The following STXBP5L variants were observed in gnomAD, a reference collection of about 807,000 sequenced individuals.
The protein encoded by STXBP5L is syntaxin-binding protein 5-like.
A neutral mutation model predicts 144.5 loss-of-function variants in STXBP5L; 65 were observed. The observed-to-expected ratio is 0.45, with a 90% confidence interval of 0.37 to 0.55. The LOEUF (loss-of-function observed/expected upper bound fraction) is 0.55. Among genes scored for constraint, STXBP5L ranks in the 20% least tolerant of loss-of-function variants. STXBP5L has a pLI of 0.00. For synonymous variants in STXBP5L, 505 were observed against 469.6 expected (o/e 1.08, Z -0.97); for missense variants, 1,298 against 1,405.5 (o/e 0.92, Z 1.22).
chr3:120,959,323 T>C (rs1049837987), intron 3 of STXBP5L, among the ~76,000 whole-genome samples: 1 of 152,230 alleles, frequency 6.6e-6, no homozygotes, highest in Non-Finnish European at 1.5e-5. Flanking sequence ...CTGGCCATAC[T>C]GCTCAAGGTA....
chr3:121,341,981 A>C (rs995088087), intron 20 of STXBP5L, among the ~76,000 whole-genome samples: 1 of 152,026 alleles, frequency 6.6e-6, no homozygotes, highest in African/African-American at 2.4e-5. Flanking sequence ...AGAATAACTT[A>C]AATAATATAA....
chr3:121,196,130 A>G (rs761176569), intron 9 of STXBP5L, among the ~76,000 whole-genome samples: 2 of 150,454 alleles, frequency 1.3e-5, no homozygotes, highest in Non-Finnish European at 3.0e-5. Flanking sequence ...TCTATAGATC[A>G]GTTTGGATAG....
intron 3 of STXBP5L, among the ~76,000 whole-genome samples, chr3:120,979,133 G>A (rs546123330): frequency 3.3e-5 from 5 of 152,232 alleles, no homozygotes; most frequent in African/African-American, 4.8e-5. Context: ...TTGTTTGTCT[G>A]TGCCTTGCCA....
At chr3:121,081,564 G>C (rs996630042) in intron 5 of STXBP5L, among the ~76,000 whole-genome samples, 1 of 152,086 alleles carries the variant, frequency 6.6e-6, no homozygotes, top group African/African-American at 2.4e-5. Context: ...TCTCCTAGGG[G>C]GTTAGAATGG....
intron 20 of STXBP5L, among the ~76,000 whole-genome samples, chr3:121,326,030 G>C (rs1213296063): frequency 3.3e-5 from 5 of 150,706 alleles, no homozygotes; most frequent in African/African-American, 9.7e-5. Context: ...GAAAAACTCA[G>C]TTATCACTGT....
chr3:121,170,443 A>G (rs183061347), intron 9 of STXBP5L, among the ~76,000 whole-genome samples: 53 of 152,222 alleles, frequency 3.5e-4, no homozygotes, highest in African/African-American at 1.2e-3. Context: ...ATAGACCGCT[A>G]GTCAGACTAA....
intron 24 of STXBP5L, 54 bp from the exon 25 acceptor site, chr3:121,415,802 TA>T: frequency 8.2e-7 from 1 of 1,224,040 alleles, no homozygotes; most frequent in Non-Finnish European, 1.2e-6. Flanking sequence ...TACCTTTTTG[TA>T]TATTAATTGA....
Position 121,420,961 on chromosome 3 carries a change from G to C in STXBP5L, c.*1864G>C, listed in dbSNP as rs369086631. ...GTCCTTGAATCCTCTTGTTAAGAAA[G>C]CCTCTCTGAATCTCCCAGACTCCTG... On this transcript the variant is annotated 3_prime_UTR_variant, in exon 27 of 27. Coordinates refer to ENST00000471454, the MANE Select transcript of STXBP5L (RefSeq NM_001308330.2). 3.9e-5 allele frequency: 6 copies of C among 152,168 alleles called. No individual in the cohort carries two copies. In the East Asian group the frequency reaches 5.8e-4, roughly 15 times the overall value. 9.4% of individuals were successfully genotyped at this position (152,168 alleles called of 1,614,324 possible). A position where few individuals can be genotyped will look rare whatever the true frequency, so the allele number is the denominator to read the frequency against.
At chr3:121,342,443 C>T (rs1182582440) in intron 20 of STXBP5L, among the ~76,000 whole-genome samples, 1 of 151,394 alleles carries the variant, frequency 6.6e-6, no homozygotes, top group Non-Finnish European at 1.5e-5. Flanking sequence ...GTGCGCTGCA[C>T]CCATTAACTC....
intron 2 of STXBP5L, among the ~76,000 whole-genome samples, chr3:120,929,756 G>C (rs1709826690): frequency 6.6e-6 from 1 of 152,016 alleles, no homozygotes. Flanking sequence ...ATTCTTACCA[G>C]CTTTCGATAT....
chr3:120,971,356 T>G (rs12491742), intron 3 of STXBP5L, among the ~76,000 whole-genome samples: 5,969 of 150,764 alleles, frequency 0.04, 167 homozygotes, highest in Non-Finnish European at 0.058. Context: ...GTAGGTACTA[T>G]TTTATCCTTC....
chr3:121,050,353 G>A (rs1947871139), intron 5 of STXBP5L, among the ~76,000 whole-genome samples: 1 of 152,058 alleles, frequency 6.6e-6, no homozygotes, highest in African/African-American at 2.4e-5. Flanking sequence ...AATAAGTAAT[G>A]TAGCAGAAAT....
At chr3:121,228,463 T>C (rs2049191933) in intron 11 of STXBP5L, among the ~76,000 whole-genome samples, 4 of 152,190 alleles carry the variant, frequency 2.6e-5, no homozygotes, top group Non-Finnish European at 4.4e-5. Flanking sequence ...CCAGAGAAAC[T>C]AGGTAGTTCT....
At chr3:121,006,291 C>T (rs1944295634) in intron 3 of STXBP5L, among the ~76,000 whole-genome samples, 2 of 152,120 alleles carry the variant, frequency 1.3e-5, no homozygotes, top group Non-Finnish European at 1.5e-5. Context: ...GAATTGATCC[C>T]TTTACCATTA....
intron 5 of STXBP5L, among the ~76,000 whole-genome samples, chr3:121,095,554 A>T (rs556777554): frequency 6.6e-6 from 1 of 152,272 alleles, no homozygotes; most frequent in African/African-American, 2.4e-5. Flanking sequence ...AATCACTGAT[A>T]ACCTTTCTTC....
At chr3:121,203,888 A>G (rs2048233878) in intron 9 of STXBP5L, among the ~76,000 whole-genome samples, 1 of 152,066 alleles carries the variant, frequency 6.6e-6, no homozygotes, top group Admixed American at 6.6e-5. Flanking sequence ...ATTTCTCTCT[A>G]TTCCCACATC....
At chr3:121,056,050 C>T (rs1948439484) in intron 5 of STXBP5L, among the ~76,000 whole-genome samples, 2 of 152,066 alleles carry the variant, frequency 1.3e-5, no homozygotes, top group South Asian at 4.1e-4. Flanking sequence ...AGCTATCCTC[C>T]TGCCTTGGCC....
chr3:121,363,996 C>G (rs780677834), intron 20 of STXBP5L, among the ~76,000 whole-genome samples: 3 of 152,080 alleles, frequency 2.0e-5, no homozygotes, highest in Non-Finnish European at 2.9e-5. Context: ...GGCCTTTTTA[C>G]TCTGTTGATA....
At chr3:121,329,559 G>A (rs1287339173) in intron 20 of STXBP5L, among the ~76,000 whole-genome samples, 1 of 152,130 alleles carries the variant, frequency 6.6e-6, no homozygotes, top group Middle Eastern at 3.2e-3. Flanking sequence ...CAAACAGTTA[G>A]AATGTCAAGA....
Sources: gnomAD v4.1 joint callset for allele counts (sites outside exome capture counted in the v4.1 genomes callset) on GRCh38, gnomAD v4.1.1 for gene constraint, MANE v1.5 for transcripts, NCBI Gene and HGNC (gene_info 2026-07-23, HGNC 2026-07-21) for gene names.